Variants in PPM1B observed in about 807,000 individuals in gnomAD.
The protein encoded by PPM1B is protein phosphatase, Mg2+/Mn2+ dependent 1B.
Under a neutral mutation model 43.0 loss-of-function variants are expected in PPM1B, and 22 were observed. The observed-to-expected ratio is 0.51, with a 90% CI of 0.37 to 0.73. The LOEUF (loss-of-function observed/expected upper bound fraction) is 0.73. Ranked by LOEUF, PPM1B falls within the 30% of genes least tolerant of loss-of-function variation. The pLI, the probability that PPM1B is intolerant of heterozygous loss-of-function variation, is 0.00. For missense variants in PPM1B, 632 were observed against 584.2 expected, an observed-to-expected ratio of 1.08 and a Z score of -0.84; for synonymous variants, 217 against 197.9, an observed-to-expected ratio of 1.10 and a Z score of -0.81.
downstream of PPM1B, among the ~76,000 whole-genome samples, chr2:44,244,808 A>ATAGT (rs138725296): frequency 0.24 from 34,124 of 141,050 alleles, 5,483 homozygotes; most frequent in African/African-American, 0.45. Context: ...TTAGAAGTGT[A>ATAGT]TAATTACTTG....
Position 44,201,243 on chromosome 2 carries a change from C to A in PPM1B, c.44C>A (p.Ala15Asp). ...AAACCCAAAACTGAAAAACATAATG[C>A]TCATGGTGCTGGGAATGGTTTACGT... is the stretch of plus-strand genomic sequence containing the variant. ...LDKPKTEKHN[A>D]HGAGNGLRYG... The change falls in exon 2 of 6, where the codon GCT becomes GAT. Residue 15 changes from alanine to aspartate, a missense_variant. By Grantham distance (126) the Ala-to-Asp change is moderately radical (BLOSUM62 -2). Coordinates refer to ENST00000282412, the MANE Select transcript of PPM1B (RefSeq NM_002706.6). This position sits in a 1 kb window ranked among gnomAD's most constrained non-coding sequence, Gnocchi z 5.4. 6.2e-7 allele frequency: 1 copy of A among 1,610,538 alleles called. No homozygotes were observed. The highest frequency in any genetic ancestry group is 2.2e-5 in the East Asian group (1 of 44,802).
At chr2:44,205,298 A>G (rs1281169286) in intron 2 of PPM1B, among the ~76,000 whole-genome samples, 1 of 149,672 alleles carries the variant, frequency 6.7e-6, no homozygotes, top group South Asian at 2.1e-4. Flanking sequence ...TTTGTTAACA[A>G]TATTTCCCAG....
intron 5 of PPM1B, among the ~76,000 whole-genome samples, chr2:44,225,721 A>G (rs568800474): frequency 9.2e-5 from 14 of 152,154 alleles, no homozygotes; most frequent in African/African-American, 2.7e-4. Flanking sequence ...CAGTGGTGCA[A>G]TCTCGGCTCA....
intron 2 of PPM1B, among the ~76,000 whole-genome samples, chr2:44,204,617 A>T (rs1027606079): frequency 6.6e-6 from 1 of 152,104 alleles, no homozygotes; most frequent in African/African-American, 2.4e-5. Context: ...AATTTTCACA[A>T]CCATATGAGG....
intron 5 of PPM1B, chr2:44,218,785 G>T (rs1489939843): frequency 2.2e-6 from 1 of 453,232 alleles, no homozygotes; most frequent in Non-Finnish European, 4.1e-6. Context: ...TGTTTGGGCT[G>T]TCTTTATTTC....
intron 1 of PPM1B, among the ~76,000 whole-genome samples, chr2:44,182,242 C>CT (rs1311776299): frequency 2.0e-5 from 3 of 151,786 alleles, no homozygotes; most frequent in Non-Finnish European, 2.9e-5. Flanking sequence ...CTAGTAATTT[C>CT]TTTTTTTTCT....
At chr2:44,192,817 A>G (rs1368367137) in intron 1 of PPM1B, among the ~76,000 whole-genome samples, 1 of 152,154 alleles carries the variant, frequency 6.6e-6, no homozygotes, top group Non-Finnish European at 1.5e-5. Flanking sequence ...AATATACAAT[A>G]TTTGTCTTTC....
downstream of PPM1B, chr2:44,232,710 C>G (rs183753007): frequency 6.1e-4 from 622 of 1,024,008 alleles, 6 homozygotes; most frequent in East Asian, 0.031. Context: ...TTTCTTTAAA[C>G]AAAACACACA....
At chr2:44,193,421 A>T (rs1668500843) in intron 1 of PPM1B, among the ~76,000 whole-genome samples, 1 of 151,222 alleles carries the variant, frequency 6.6e-6, no homozygotes, top group Non-Finnish European at 1.5e-5. Context: ...ATTTTTTTAG[A>T]GACATGTTGT....
chr2:44,215,073 G>A (rs1251445325), intron 3 of PPM1B, among the ~76,000 whole-genome samples: 1 of 152,050 alleles, frequency 6.6e-6, no homozygotes, highest in Non-Finnish European at 1.5e-5. Context: ...TATTATATAG[G>A]AGAGATAACA....
intron 3 of PPM1B, among the ~76,000 whole-genome samples, chr2:44,214,192 G>A (rs1669613742): frequency 6.6e-6 from 1 of 152,108 alleles, no homozygotes; most frequent in Non-Finnish European, 1.5e-5. Flanking sequence ...CCATTCTTCT[G>A]CCTCAGCCTC....
chr2:44,231,647 T>C (rs923626619), downstream of PPM1B, among the ~76,000 whole-genome samples: 1 of 152,178 alleles, frequency 6.6e-6, no homozygotes, highest in Non-Finnish European at 1.5e-5. Flanking sequence ...TGTTGCATAC[T>C]TAAATCTATT....
At chr2:44,225,145 G>T (rs546729165) in intron 5 of PPM1B, among the ~76,000 whole-genome samples, 1 of 152,268 alleles carries the variant, frequency 6.6e-6, no homozygotes, top group Non-Finnish European at 1.5e-5. Flanking sequence ...TAGGGTACCT[G>T]TGAGGATTCA....
exon 6 of PPM1B, chr2:44,244,350 C>G: frequency 7.4e-7 from 1 of 1,357,596 alleles, no homozygotes; most frequent in Non-Finnish European, 9.8e-7. Flanking sequence ...TTTGTAAACC[C>G]GAACGAAAAA....
Position 44,230,794 on chromosome 2 carries a change from CTGTTT to C in PPM1B, c.*81_*85del. 1 of 1,516,714 alleles carries C rather than the reference CTGTTT, an allele frequency of 6.6e-7. No homozygotes were observed. Among genetic ancestry groups the C allele is most frequent in the Non-Finnish European group, 8.8e-7 (1 of 1,134,228 alleles). The allele number at this position is 1,516,714 out of a possible 1,614,324, so 94.0% of individuals were successfully genotyped here. On this transcript the variant is annotated 3_prime_UTR_variant, in exon 6 of 6. Transcript: ENST00000282412. ...AAGTGTAATGTATGCATTTATATAA[CTGTTT>C]TGTTATTTGAATCTTGGAAAACTAG... is the stretch of plus-strand genomic sequence containing the variant.
intron 5 of PPM1B, among the ~76,000 whole-genome samples, chr2:44,241,051 T>C (rs1156804496): frequency 3.5e-5 from 5 of 143,292 alleles, no homozygotes; most frequent in African/African-American, 1.2e-4. Context: ...TCGCCCAGGC[T>C]GCAGTGCAAT....
At chr2:44,246,890 T>C (rs1268468113), downstream of PPM1B, among the ~76,000 whole-genome samples, 1 of 152,198 alleles carries the variant, frequency 6.6e-6, no homozygotes. Context: ...TTTTATTCTG[T>C]ATGTATGTTA....
At chr2:44,181,239 A>T (rs956205252) in intron 1 of PPM1B, among the ~76,000 whole-genome samples, 8 of 152,294 alleles carry the variant, frequency 5.3e-5, no homozygotes, top group African/African-American at 1.9e-4. Context: ...ATGAGGCACC[A>T]TACCCAGCCT....
At chr2:44,183,972 T>C (rs1668007731) in intron 1 of PPM1B, among the ~76,000 whole-genome samples, 1 of 152,158 alleles carries the variant, frequency 6.6e-6, no homozygotes, top group Non-Finnish European at 1.5e-5. Flanking sequence ...TCTCCTGACC[T>C]CGTGATCCGC....
Sources: allele counts gnomAD v4.1 joint callset (sites outside exome capture counted in the v4.1 genomes callset), GRCh38; gene constraint gnomAD v4.1.1; non-coding constraint Gnocchi (gnomAD v3.1); transcripts MANE v1.5; gene names NCBI Gene and HGNC (gene_info 2026-07-23, HGNC 2026-07-21).